The following MYO1E variants were observed in gnomAD, a reference collection of about 807,000 sequenced individuals.
MYO1E encodes myosin IE, also known as unconventional myosin-Ie.
MYO1E carries 68 observed loss-of-function variants against 151.1 expected under a neutral mutation model. The ratio of observed to expected loss-of-function variants is 0.45; its 90% CI spans 0.37 to 0.55. The LOEUF (loss-of-function observed/expected upper bound fraction) is 0.55, where lower values mean the gene tolerates loss of function less well. Among genes scored for constraint, MYO1E ranks in the 20% least tolerant of loss-of-function variants. MYO1E has a pLI of 0.00. For missense variants in MYO1E, 1,363 were observed against 1,389.3 expected (o/e 0.98, Z 0.30); for synonymous variants, 601 against 501.7 (o/e 1.20, Z -2.64).
intron 1 of MYO1E, among the ~76,000 whole-genome samples, chr15:59,368,012 AG>A (rs2080924199): frequency 6.6e-6 from 1 of 152,020 alleles, no homozygotes; most frequent in African/African-American, 2.4e-5. Flanking sequence ...CCAGCTACTC[AG>A]GGGGCTGAGG....
At chr15:59,165,022 C>T (rs1010822176) in intron 22 of MYO1E, among the ~76,000 whole-genome samples, 5 of 152,182 alleles carry the variant, frequency 3.3e-5, no homozygotes, top group Non-Finnish European at 5.9e-5. Context: ...ACAAGAGGCG[C>T]CATCTATAAA....
chr15:59,143,489 C>T (rs993940453), intron 26 of MYO1E, among the ~76,000 whole-genome samples: 1 of 152,166 alleles, frequency 6.6e-6, no homozygotes, highest in Non-Finnish European at 1.5e-5. Flanking sequence ...ATTCCCAAAG[C>T]GAGCCACAGT....
chr15:59,301,437 T>C (rs1488485001), intron 1 of MYO1E, among the ~76,000 whole-genome samples: 5 of 152,210 alleles, frequency 3.3e-5, no homozygotes, highest in Non-Finnish European at 7.4e-5. Context: ...AACATCTCTG[T>C]GCAATCCTGA....
chr15:59,240,096 A>T, intron 4 of MYO1E, among the ~76,000 whole-genome samples: 1 of 152,262 alleles, frequency 6.6e-6, no homozygotes, highest in East Asian at 1.9e-4. Flanking sequence ...AAATGGACAC[A>T]CACACACAAA....
chr15:59,164,819 T>C (rs2079555455), intron 22 of MYO1E, among the ~76,000 whole-genome samples: 1 of 152,210 alleles, frequency 6.6e-6, no homozygotes, highest in African/African-American at 2.4e-5. Context: ...ATGGAGCCAG[T>C]AGCTGTAGCC....
At chr15:59,292,095 T>C (rs2080423068) in intron 1 of MYO1E, among the ~76,000 whole-genome samples, 2 of 152,198 alleles carry the variant, frequency 1.3e-5, no homozygotes, top group Admixed American at 1.3e-4. Context: ...TCAGATCCTA[T>C]TGTTAAGTAA....
chr15:59,344,498 C>T (rs28411349), intron 1 of MYO1E, among the ~76,000 whole-genome samples: 1,900 of 152,286 alleles, frequency 0.012, 40 homozygotes, highest in African/African-American at 0.043. Context: ...TTGCCCAAGG[C>T]CTGTATAATT....
chr15:59,232,543 T>C (rs1304233770), intron 5 of MYO1E, among the ~76,000 whole-genome samples: 1 of 152,232 alleles, frequency 6.6e-6, no homozygotes, highest in African/African-American at 2.4e-5. Context: ...ACCATAGACA[T>C]GAGACAGCTC....
intron 1 of MYO1E, among the ~76,000 whole-genome samples, chr15:59,343,297 CT>C (rs111977576): frequency 3.2e-3 from 459 of 142,438 alleles, no homozygotes; most frequent in Middle Eastern, 3.6e-3. Flanking sequence ...AGAGTGAACT[CT>C]TTTTTTTTTT....
At chr15:59,138,458 T>C in intron 26 of MYO1E, 91 bp from the exon 27 acceptor site, 1 of 1,401,014 alleles carries the variant, frequency 7.1e-7, no homozygotes, top group Non-Finnish European at 1.0e-6. Flanking sequence ...GGCACTGGCC[T>C]GTTCAAGTTC....
At chr15:59,345,176 T>C (rs1463304168) in intron 1 of MYO1E, among the ~76,000 whole-genome samples, 1 of 151,512 alleles carries the variant, frequency 6.6e-6, no homozygotes, top group Non-Finnish European at 1.5e-5. Flanking sequence ...AGCTCTTTTC[T>C]AAAAGCAATC....
intron 10 of MYO1E, among the ~76,000 whole-genome samples, chr15:59,216,107 G>A (rs752990230): frequency 9.2e-5 from 14 of 152,222 alleles, no homozygotes; most frequent in Middle Eastern, 3.4e-3. Flanking sequence ...ACCTTAAGCC[G>A]TATAAATGTT....
At chr15:59,301,219 A>C (rs1454922951) in intron 1 of MYO1E, among the ~76,000 whole-genome samples, 1 of 152,192 alleles carries the variant, frequency 6.6e-6, no homozygotes, top group Non-Finnish European at 1.5e-5. Context: ...AGATGTATTA[A>C]AAATGTCTTC....
At position 59,169,278 on chromosome 15, in the gene MYO1E, A is replaced by G. The variant is rs140064344; in HGVS notation, c.2480+2619T>C. On this transcript the variant is annotated intron_variant, in intron 22 of 27. Coordinates refer to ENST00000288235, the MANE Select transcript of MYO1E (RefSeq NM_004998.4). ...TCTTAAAAACACATACAGATGTTGC[A>G]GCTTTTTTCCTGAAGTACAAGCCAA... 3.8e-3 allele frequency among the ~76,000 whole-genome samples: 583 copies of G among 152,370 alleles called. 6 individuals carry two copies. The highest frequency in any genetic ancestry group is 0.013 in the African/African-American group (550 of 41,580).
chr15:59,304,708 T>G (rs766562481), intron 1 of MYO1E, among the ~76,000 whole-genome samples: 2 of 152,230 alleles, frequency 1.3e-5, no homozygotes, highest in Admixed American at 1.3e-4. Flanking sequence ...GGAATCAGGC[T>G]CTTGGTTCAA....
chr15:59,168,794 C>A lies in MYO1E; in HGVS notation c.2480+3103G>T, dbSNP rs141821387. Among the ~76,000 whole-genome samples, 291 of 152,180 alleles carry A rather than the reference C, an allele frequency of 1.9e-3. 7 individuals carry two copies. In the East Asian group the frequency reaches 0.054, roughly 28 times the overall value. On this transcript the variant is annotated intron_variant, in intron 22 of 27. Transcript: ENST00000288235. ...TACCACCACTCCTGGCTAATTTTCA[C>A]ATTTTTTGTAGAGATGGGTTCTTAC... is the stretch of plus-strand genomic sequence containing the variant.
chr15:59,214,359 T>C (rs529955415), intron 11 of MYO1E, 45 bp from the exon 12 acceptor site: 2 of 1,405,350 alleles, frequency 1.4e-6, no homozygotes, highest in South Asian at 1.2e-5. Flanking sequence ...CACAAAATCA[T>C]TTAAAAGTCA....
intron 19 of MYO1E, among the ~76,000 whole-genome samples, chr15:59,176,233 TG>T (rs1445598588): frequency 6.6e-6 from 1 of 152,000 alleles, no homozygotes; most frequent in Non-Finnish European, 1.5e-5. Flanking sequence ...TAATTTTTTT[TG>T]TATTTTTAGT....
Position 59,256,359 on chromosome 15 carries a change from G to A in MYO1E, c.257C>T (p.Pro86Leu), listed in dbSNP as rs930560769. The A allele has an allele frequency of 1.2e-6, 2 of 1,611,262 alleles. No individual in the cohort carries two copies. The highest frequency in any genetic ancestry group is 8.5e-7 in the Non-Finnish European group (1 of 1,178,084). Residue 86 changes from proline (P) to leucine (L), a missense_variant, in exon 4 of 28, where the codon CCA becomes CTA. Pro to Leu is a moderately conservative substitution (Grantham distance 98). Transcript: ENST00000288235. ...ATTATCTGCAAGGGCATAGATATGT[G>A]GTGGGTTTTCATACTGTGCCTAGAA... ...YQGAAQYENP[P>L]HIYALADNMY...
Sources: gnomAD v4.1 joint callset for allele counts (sites outside exome capture counted in the v4.1 genomes callset) on GRCh38, gnomAD v4.1.1 for gene constraint, MANE v1.5 for transcripts, NCBI Gene and HGNC (gene_info 2026-07-23, HGNC 2026-07-21) for gene names.